Variants in ZZEF1 observed in about 807,000 individuals in gnomAD.
ZZEF1 encodes the protein zinc finger ZZ-type and EF-hand domain containing 1, also known as zinc finger ZZ-type and EF-hand domain-containing protein 1.
In ZZEF1, 157 loss-of-function variants were observed where a neutral mutation model predicts 342.8. The observed-to-expected ratio is 0.46, with a 90% CI of 0.40 to 0.52. The LOEUF (loss-of-function observed/expected upper bound fraction) is 0.52, where lower values mean the gene tolerates loss of function less well. Ranked by LOEUF, ZZEF1 falls within the 20% of genes least tolerant of loss-of-function variation. ZZEF1 has a pLI of 0.00. For missense variants in ZZEF1, 3,480 were observed against 3,725.6 expected, an observed-to-expected ratio of 0.93 and a Z score of 1.72; for synonymous variants, 1,505 against 1,429.1, an observed-to-expected ratio of 1.05 and a Z score of -1.20.
chr17:4,056,667 GTTATTATTATTA>G (rs10596346), intron 32 of ZZEF1: 2 of 152,712 alleles, frequency 1.3e-5, no homozygotes, highest in East Asian at 1.9e-4. Flanking sequence ...GCCAAATAAA[GTTATTATTATTA>G]TTATTATTAT....
At chr17:4,051,326 T>C (rs1404521035) in intron 35 of ZZEF1, among the ~76,000 whole-genome samples, 1 of 152,180 alleles carries the variant, frequency 6.6e-6, no homozygotes, top group Non-Finnish European at 1.5e-5. Flanking sequence ...GGTGTGGTAA[T>C]AGCATTTTGG....
At position 4,102,042 on chromosome 17, in the gene ZZEF1, A is replaced by T. The variant is rs570838746; in HGVS notation, c.1672+275T>A. 3.9e-5 allele frequency among the ~76,000 whole-genome samples: 6 copies of T among 152,298 alleles called. No individual in the cohort carries two copies. In the South Asian group the frequency reaches 1.2e-3, roughly 32 times the overall value. On this transcript the variant is annotated intron_variant, in intron 9 of 54. Transcript: ENST00000381638. The stretch of plus-strand genomic sequence containing the variant: ...TAGAAAGACAATTGGAACTGAAAAA[A>T]CGATTAAAAAAAATAGTAACTTTTT...
In ZZEF1 at chr17:4,104,825, G is replaced by C; in HGVS notation, c.1395-14C>G. ...GTAGAACAGCAGCTATAAGCAAAGA[G>C]CAAAAACTTTTCACTTCTTAAAAAC... On this transcript the variant is annotated splice_polypyrimidine_tract_variant and intron_variant, in intron 7 of 54. Transcript: ENST00000381638. 2 of 1,604,590 alleles carry C rather than the reference G, an allele frequency of 1.2e-6. No individual in the cohort carries two copies.
chr17:4,017,276 C>G lies in ZZEF1; in HGVS notation c.8001+95G>C. The G allele has an allele frequency of 6.7e-7, 1 of 1,501,366 alleles. No individual in the cohort carries two copies. Among genetic ancestry groups the G allele is most frequent in the Non-Finnish European group, 8.9e-7 (1 of 1,123,048 alleles). 93.0% of individuals were successfully genotyped at this position (1,501,366 alleles called of 1,614,324 possible). A position where few individuals can be genotyped will look rare whatever the true frequency, so the allele number is the denominator to read the frequency against. On this transcript the variant is annotated intron_variant, in intron 48 of 54. Transcript: ENST00000381638. This position sits in a 1 kb window ranked among gnomAD's most constrained non-coding sequence, Gnocchi z 5.1. ...CCTGTCAGGGAGCTGCACAGCCACA[C>G]AGGTAGCCTCGCTCCAGGAAGCACT... is the stretch of plus-strand genomic sequence containing the variant.
intron 3 of ZZEF1, among the ~76,000 whole-genome samples, chr17:4,116,135 C>A (rs1188634811): frequency 6.6e-6 from 1 of 152,132 alleles, no homozygotes; most frequent in Non-Finnish European, 1.5e-5. Flanking sequence ...GTCTGACCAA[C>A]ACGGTGAAAC....
chr17:4,133,565 T>C (rs2058702916), intron 1 of ZZEF1, among the ~76,000 whole-genome samples: 1 of 152,168 alleles, frequency 6.6e-6, no homozygotes, highest in African/African-American at 2.4e-5. Flanking sequence ...ACTCACTCCC[T>C]CTGAATCTCA....
intron 42 of ZZEF1, among the ~76,000 whole-genome samples, chr17:4,030,554 G>C (rs1310274449): frequency 6.6e-6 from 1 of 152,228 alleles, no homozygotes; most frequent in Admixed American, 6.5e-5. Flanking sequence ...TTCTGAGACA[G>C]GGTCTTGCTC....
At chr17:4,136,786 G>T (rs538164255) in intron 1 of ZZEF1, among the ~76,000 whole-genome samples, 1 of 152,270 alleles carries the variant, frequency 6.6e-6, no homozygotes, top group East Asian at 1.9e-4. Flanking sequence ...CCCAAAACGT[G>T]CCATGCCCTC....
intron 12 of ZZEF1, 120 bp downstream of exon 12, chr17:4,090,599 C>T (rs2057923705): frequency 5.5e-6 from 4 of 730,156 alleles, no homozygotes; most frequent in African/African-American, 1.7e-5. Flanking sequence ...AGAGTATGAA[C>T]TCCCTGAAGG....
chr17:4,120,300 C>T (rs1021539083), intron 2 of ZZEF1, among the ~76,000 whole-genome samples: 111 of 151,122 alleles, frequency 7.3e-4, no homozygotes, highest in African/African-American at 2.5e-3. Flanking sequence ...GAAGTTGCAG[C>T]GAGCCGAGAC....
intron 34 of ZZEF1, among the ~76,000 whole-genome samples, chr17:4,053,500 T>C (rs531237541): frequency 2.0e-5 from 3 of 152,356 alleles, no homozygotes; most frequent in East Asian, 3.9e-4. Context: ...AAACAATCTG[T>C]ACCCTCCTTT....
intron 52 of ZZEF1, among the ~76,000 whole-genome samples, chr17:4,010,521 G>T (rs1329914802): frequency 6.6e-6 from 1 of 151,796 alleles, no homozygotes; most frequent in African/African-American, 2.4e-5. Context: ...GAGTTGGCCA[G>T]GAGACCAGCC....
intron 1 of ZZEF1, among the ~76,000 whole-genome samples, chr17:4,137,831 T>C (rs1054263959): frequency 6.6e-6 from 1 of 152,190 alleles, no homozygotes; most frequent in African/African-American, 2.4e-5. Flanking sequence ...GCTGTAGGGC[T>C]GAAAACACCA....
At chr17:4,018,320 G>A (rs930964576) in intron 46 of ZZEF1, among the ~76,000 whole-genome samples, 6 of 151,602 alleles carry the variant, frequency 4.0e-5, no homozygotes, top group Admixed American at 2.0e-4. Flanking sequence ...TATGTTGCCC[G>A]GGCCGGCCTG....
intron 42 of ZZEF1, among the ~76,000 whole-genome samples, chr17:4,030,682 A>ATGGGGG (rs2056522790): frequency 1.3e-5 from 2 of 152,080 alleles, no homozygotes; most frequent in Admixed American, 1.3e-4. Flanking sequence ...TTATGTAGTG[A>ATGGGGG]TGGGGGTCTC....
rs578204067 is a variant in ZZEF1, at chr17:4,066,692, T to A, written c.4156-152A>T. On this transcript the variant is annotated intron_variant, in intron 27 of 54. Transcript: ENST00000381638. ...GGGTTTGTAATACTCACAACCTTAT[T>A]ACTTAAAAATTTCTAGAACACTGGT... 7.4e-6 allele frequency: 5 copies of A among 676,356 alleles called. No individual in the cohort carries two copies. In the East Asian group the frequency reaches 1.3e-4, roughly 18 times the overall value. 41.9% of individuals were successfully genotyped at this position (676,356 alleles called of 1,614,324 possible). A position where few individuals can be genotyped will look rare whatever the true frequency, so the allele number is the denominator to read the frequency against.
chr17:4,081,151 T>C (rs1366574927), intron 18 of ZZEF1, among the ~76,000 whole-genome samples: 1 of 152,104 alleles, frequency 6.6e-6, no homozygotes, highest in Non-Finnish European at 1.5e-5. Context: ...GTGGGAGGAC[T>C]GCTTGGGCCT....
chr17:4,038,855 G>A (rs1180222119), intron 39 of ZZEF1, among the ~76,000 whole-genome samples: 7 of 151,948 alleles, frequency 4.6e-5, no homozygotes, highest in Admixed American at 2.0e-4. Flanking sequence ...ACCACCACCA[G>A]GCAAGAGGAA....
chr17:4,049,775 G>A lies in ZZEF1; in HGVS notation c.5948C>T (p.Thr1983Ile), dbSNP rs1459167576. 2 of 1,614,024 alleles carry A rather than the reference G, an allele frequency of 1.2e-6. No homozygotes were observed. Among genetic ancestry groups the A allele is most frequent in the African/African-American group, 2.7e-5 (2 of 74,916 alleles). Residue 1983 changes from threonine (T) to isoleucine (I), a missense_variant, in exon 37 of 55, where the codon ACC (threonine) becomes ATC (isoleucine). Around this residue, in one of 5 missense-constraint regions of ZZEF1, gnomAD observed 1,269 missense variants for 1,342.4 expected, o/e 0.95. Coordinates refer to ENST00000381638, the MANE Select transcript of ZZEF1 (RefSeq NM_015113.4). Reference sequence around the variant, plus strand: ...CTCTAGCTGCTCCTCTGACGCTCCGGTGGGCACAGTGACTGGTAGGGCCTG... The same window carrying A: ...CTCTAGCTGCTCCTCTGACGCTCCGATGGGCACAGTGACTGGTAGGGCCTG... ...EDQALPVTVP[T>I]GASEEQLEKK...
Sources: allele counts gnomAD v4.1 joint callset (sites outside exome capture counted in the v4.1 genomes callset), GRCh38; gene constraint gnomAD v4.1.1; regional missense constraint gnomAD v4.1.1; non-coding constraint Gnocchi (gnomAD v3.1); transcripts MANE v1.5; gene names NCBI Gene and HGNC (gene_info 2026-07-23, HGNC 2026-07-21).